GAREM1: variants seen among roughly 807,000 people sequenced by gnomAD.
GAREM1 encodes GRB2 associated regulator of MAPK1 subtype 1, also known as GRB2-associated and regulator of MAPK protein 1.
GAREM1 carries 26 observed loss-of-function variants against 71.3 expected under a neutral mutation model. That is an observed-to-expected ratio of 0.36 (90% CI 0.27 to 0.51). The LOEUF (loss-of-function observed/expected upper bound fraction) is 0.51. Ranked by LOEUF, GAREM1 falls within the 20% of genes least tolerant of loss-of-function variation. The probability of loss-of-function intolerance (pLI) is 0.95; values close to 1 mark genes in which losing one functional copy is unlikely to be tolerated. For missense variants in GAREM1, 1,026 were observed against 1,103.1 expected, an observed-to-expected ratio of 0.93 and a Z score of 0.99; for synonymous variants, 440 against 433.2, an observed-to-expected ratio of 1.02 and a Z score of -0.20.
chr18:32,445,658 T>C (rs577629442), intron 1 of GAREM1, among the ~76,000 whole-genome samples: 3 of 152,310 alleles, frequency 2.0e-5, no homozygotes, highest in Non-Finnish European at 4.4e-5. Context: ...ACTCCCAGTT[T>C]AACTAGTCAA....
chr18:32,286,066 T>C (rs2047014344), intron 4 of GAREM1, among the ~76,000 whole-genome samples: 1 of 152,206 alleles, frequency 6.6e-6, no homozygotes, highest in Admixed American at 6.5e-5. Context: ...CTGTAATAGA[T>C]ACTGTCAAAT....
chr18:32,430,051 A>T (rs1599041854), intron 1 of GAREM1, among the ~76,000 whole-genome samples: 1 of 152,200 alleles, frequency 6.6e-6, no homozygotes, highest in Non-Finnish European at 1.5e-5. Flanking sequence ...TTATATTTTC[A>T]TTTGAACACT....
intron 1 of GAREM1, among the ~76,000 whole-genome samples, chr18:32,450,641 C>T (rs894059658): frequency 7.2e-5 from 11 of 152,172 alleles, no homozygotes; most frequent in African/African-American, 2.7e-4. Context: ...ACTGAATTTC[C>T]TCTTCAATAC....
intron 1 of GAREM1, among the ~76,000 whole-genome samples, chr18:32,445,515 GAAAAT>G (rs1163106485): frequency 6.6e-6 from 1 of 152,046 alleles, no homozygotes; most frequent in East Asian, 1.9e-4. Flanking sequence ...AAAAGAGAGA[GAAAAT>G]AAAATGAATG....
chr18:32,354,020 T>C (rs746572079), intron 2 of GAREM1, among the ~76,000 whole-genome samples: 20 of 152,212 alleles, frequency 1.3e-4, no homozygotes, highest in Non-Finnish European at 2.5e-4. Flanking sequence ...TTGATGAGTA[T>C]TAGTAAAACC....
chr18:32,435,173 G>A (rs983319908), intron 1 of GAREM1, among the ~76,000 whole-genome samples: 6 of 151,998 alleles, frequency 3.9e-5, no homozygotes, highest in Admixed American at 3.3e-4. Context: ...CAAGGAGACT[G>A]AGGAACTGTC....
intron 2 of GAREM1, among the ~76,000 whole-genome samples, chr18:32,381,514 C>A (rs1457668847): frequency 6.6e-6 from 1 of 152,168 alleles, no homozygotes; most frequent in Non-Finnish European, 1.5e-5. Context: ...ATTCCTCTTA[C>A]CTAAGTATCG....
chr18:32,467,999 A>G (rs920730166), intron 1 of GAREM1, among the ~76,000 whole-genome samples: 1 of 152,186 alleles, frequency 6.6e-6, no homozygotes, highest in Non-Finnish European at 1.5e-5. Context: ...CACTTTCCCC[A>G]ATCAAATTAG....
intron 4 of GAREM1, among the ~76,000 whole-genome samples, chr18:32,275,182 A>T (rs2041522974): frequency 6.6e-6 from 1 of 152,212 alleles, no homozygotes; most frequent in Admixed American, 6.5e-5. Context: ...AATGACAGTG[A>T]CAGTATTCCT....
intron 2 of GAREM1, among the ~76,000 whole-genome samples, chr18:32,377,052 T>A (rs985429583): frequency 6.6e-6 from 1 of 152,112 alleles, no homozygotes; most frequent in Non-Finnish European, 1.5e-5. Context: ...TTAGAAATAA[T>A]GAAACTGAGG....
chr18:32,408,946 T>C (rs2048391156), intron 1 of GAREM1, among the ~76,000 whole-genome samples: 1 of 152,196 alleles, frequency 6.6e-6, no homozygotes, highest in Non-Finnish European at 1.5e-5. Flanking sequence ...CTATATTGAC[T>C]AGCAGTGTAA....
chr18:32,347,728 T>G (rs2047709935), intron 2 of GAREM1, among the ~76,000 whole-genome samples: 1 of 152,210 alleles, frequency 6.6e-6, no homozygotes. Context: ...ATACAATGCA[T>G]AAAAGTGGGA....
intron 2 of GAREM1, among the ~76,000 whole-genome samples, chr18:32,390,784 G>T (rs535154735): frequency 6.6e-6 from 1 of 152,262 alleles, no homozygotes; most frequent in African/African-American, 2.4e-5. Flanking sequence ...AGAACAATGG[G>T]TTCCCAACAC....
At chr18:32,346,887 A>G (rs1328284038) in intron 2 of GAREM1, among the ~76,000 whole-genome samples, 1 of 152,176 alleles carries the variant, frequency 6.6e-6, no homozygotes, top group Non-Finnish European at 1.5e-5. Flanking sequence ...CTTCCTACAA[A>G]AGGGAAAGAG....
At chr18:32,286,684 C>T (rs1052869900) in intron 4 of GAREM1, among the ~76,000 whole-genome samples, 1 of 152,160 alleles carries the variant, frequency 6.6e-6, no homozygotes, top group Non-Finnish European at 1.5e-5. Context: ...CCAGCTGCCA[C>T]GGTTTAGGGC....
intron 2 of GAREM1, among the ~76,000 whole-genome samples, chr18:32,389,572 T>C (rs1233666328): frequency 6.6e-6 from 1 of 152,160 alleles, no homozygotes; most frequent in Non-Finnish European, 1.5e-5. Context: ...TACTACTCTG[T>C]TAAACATTTT....
At chr18:32,414,586 A>C (rs965514465) in intron 1 of GAREM1, among the ~76,000 whole-genome samples, 1 of 152,144 alleles carries the variant, frequency 6.6e-6, no homozygotes, top group Non-Finnish European at 1.5e-5. Context: ...CCATATAAAC[A>C]CATGGAAATG....
At chr18:32,364,026 A>ATATGTTTTTTTTTTTTT (rs1336753011) in intron 2 of GAREM1, among the ~76,000 whole-genome samples, 1 of 46,418 alleles carries the variant, frequency 2.2e-5, no homozygotes, top group Non-Finnish European at 3.4e-5. Context: ...ATATATATAT[A>ATATGTTTTTTTTTTTTT]TGTTTTTTTT....
rs540136085 is a variant in GAREM1, at chr18:32,378,800, A to G, written c.262+14095T>C. Among the ~76,000 whole-genome samples the G allele has an allele frequency of 2.0e-5, 3 of 152,280 alleles. No homozygotes were observed. The South Asian group carries it at 6.2e-4, about 32-fold the overall frequency. ...GCCTGCCTCTGAGTCTCCTCAGCAG[A>G]CTCAGGGAACAACAGAATGTACTAT... On this transcript the variant is annotated intron_variant, in intron 2 of 5. Coordinates refer to ENST00000269209, the MANE Select transcript of GAREM1 (RefSeq NM_001242409.2).
Sources: gnomAD v4.1 joint callset for allele counts (sites outside exome capture counted in the v4.1 genomes callset) on GRCh38, gnomAD v4.1.1 for gene constraint, MANE v1.5 for transcripts, NCBI Gene and HGNC (gene_info 2026-07-23, HGNC 2026-07-21) for gene names.